The following KIF20B variants were observed in gnomAD, a reference collection of about 807,000 sequenced individuals.
KIF20B encodes kinesin-like protein KIF20B.
In KIF20B, 188 loss-of-function variants were observed where a neutral mutation model predicts 232.5. That is an observed-to-expected ratio of 0.81 (90% confidence interval 0.72 to 0.91). The LOEUF (loss-of-function observed/expected upper bound fraction) is 0.91. Ranked by LOEUF, KIF20B falls within the 40% of genes least tolerant of loss-of-function variation. The pLI is 0.00. For synonymous variants in KIF20B, 712 were observed against 683.0 expected (o/e 1.04, Z -0.66); for missense variants, 2,154 against 2,055.9 (o/e 1.05, Z -0.92).
rs1330526853 is a variant in KIF20B at position 89,754,644 on chromosome 10, G to C, written c.4474G>C (p.Glu1492Gln). The C allele has an allele frequency of 6.3e-7, 1 of 1,588,016 alleles. No individual in the cohort carries two copies. Among genetic ancestry groups the C allele is most frequent in the Non-Finnish European group, 8.5e-7 (1 of 1,169,672 alleles). ...GATGAAAAAATATGCTGAGGACAGG[G>C]AGCGTTTTTTTAAGCAACAGAATGA... ...KEMKKYAEDRERFFKQQNEME... is the reference protein window; with the variant it reads ...KEMKKYAEDRQRFFKQQNEME... The change falls in exon 26 of 33, where the codon GAG (glutamate) becomes CAG (glutamine). Residue 1492 changes from glutamate (E) to glutamine (Q), a missense_variant. Transcript: ENST00000371728.
At chr10:89,770,880 T>C (rs1253196822) in intron 31 of KIF20B, among the ~76,000 whole-genome samples, 1 of 152,222 alleles carries the variant, frequency 6.6e-6, no homozygotes, top group East Asian at 1.9e-4. Context: ...GATTGAATTA[T>C]GTTACTCCTC....
In KIF20B at chr10:89,758,884, T is replaced by G; in HGVS notation, c.4680+2T>G. ...ATCATATCAGAGACTTCTAAAATAG[T>G]CAGTAGTCTTTTTTGCTATGCCTTT... On this transcript the variant is annotated splice_donor_variant, in intron 27 of 32. Coordinates refer to ENST00000371728, the MANE Select transcript of KIF20B (RefSeq NM_001284259.2). LOFTEE classifies it high-confidence loss of function. 8 of 1,496,130 alleles carry G rather than the reference T, an allele frequency of 5.3e-6. No homozygotes were observed. The highest frequency in any genetic ancestry group is 7.2e-6 in the Non-Finnish European group (8 of 1,117,488). The allele number at this position is 1,496,130 out of a possible 1,614,324, so 92.7% of individuals were successfully genotyped here.
chr10:89,752,459 C>G, intron 24 of KIF20B, 108 bp from the exon 25 acceptor site: 1 of 750,588 alleles, frequency 1.3e-6, no homozygotes, highest in Non-Finnish European at 2.0e-6. Flanking sequence ...GGTCTGTGTT[C>G]TTTATCTGGG....
intron 26 of KIF20B, among the ~76,000 whole-genome samples, chr10:89,757,040 G>GTGTGTGTGTGTGTCTATA (rs1301847520): frequency 2.7e-5 from 3 of 110,754 alleles, no homozygotes; most frequent in African/African-American, 1.0e-4. Flanking sequence ...GTGTGTGTGT[G>GTGTGTGTGTGTGTCTATA]TATATATATA....
intron 22 of KIF20B, among the ~76,000 whole-genome samples, chr10:89,745,658 GATCTTGGCTCACTGCA>G (rs965880165): frequency 2.6e-5 from 4 of 151,580 alleles, no homozygotes; most frequent in Middle Eastern, 6.8e-3. Context: ...ACAGTGGTGC[GATCTTGGCTCACTGCA>G]ATCTTGGCTC....
At chr10:89,705,626 A>T (rs1235694106) in intron 2 of KIF20B, among the ~76,000 whole-genome samples, 185 bp downstream of exon 2, 5 of 152,250 alleles carry the variant, frequency 3.3e-5, no homozygotes. Flanking sequence ...TAAAAATTAT[A>T]TGAATTTCAA....
chr10:89,758,574 C>T, intron 26 of KIF20B, 132 bp from the exon 27 acceptor site: 1 of 521,444 alleles, frequency 1.9e-6, no homozygotes, highest in African/African-American at 2.0e-5. Context: ...AATATTTTAT[C>T]TAGACTACTT....
rs1463114130 is a variant in KIF20B at position 89,717,561 on chromosome 10, T to G, written c.1125-15T>G. 3 of 1,599,082 alleles carry G rather than the reference T, an allele frequency of 1.9e-6. No homozygotes were observed. The South Asian group carries it at 3.4e-5, about 18-fold the overall frequency. On this transcript the variant is annotated splice_polypyrimidine_tract_variant and intron_variant, in intron 10 of 32. Transcript: ENST00000371728. Reference sequence around the variant, plus strand: ...TTTGAAGAACTTTTAAAGTACTTTTTTTTTCTTAATTCAGATTATCTTTAT... The same window carrying G: ...TTTGAAGAACTTTTAAAGTACTTTTGTTTTCTTAATTCAGATTATCTTTAT...
chr10:89,721,867 C>G (rs930043265), intron 13 of KIF20B, among the ~76,000 whole-genome samples: 1 of 152,052 alleles, frequency 6.6e-6, no homozygotes, highest in Non-Finnish European at 1.5e-5. Flanking sequence ...ATCAAAATGT[C>G]TAATATTTGA....
intron 21 of KIF20B, among the ~76,000 whole-genome samples, chr10:89,742,249 A>G (rs1841814681): frequency 6.6e-6 from 1 of 152,202 alleles, no homozygotes; most frequent in Admixed American, 6.5e-5. Flanking sequence ...TGGAGGATGC[A>G]AACAGAAGTG....
intron 29 of KIF20B, among the ~76,000 whole-genome samples, chr10:89,767,960 C>T (rs1055464730): frequency 2.6e-5 from 4 of 151,930 alleles, no homozygotes; most frequent in African/African-American, 9.7e-5. Context: ...AAATTCACAC[C>T]TTCAGTCAGG....
intron 12 of KIF20B, 90 bp from the exon 13 acceptor site, chr10:89,719,329 T>C: frequency 1.1e-6 from 1 of 936,776 alleles, no homozygotes; most frequent in Non-Finnish European, 1.6e-6. Flanking sequence ...CACTTGAGTG[T>C]TCATTTGACT....
chr10:89,716,376 C>T (rs1433650206), intron 8 of KIF20B, 60 bp from the exon 9 acceptor site: 2 of 726,308 alleles, frequency 2.8e-6, no homozygotes, highest in Non-Finnish European at 4.5e-6. Flanking sequence ...AAAGAGATTA[C>T]ATTGTAGAAC....
chr10:89,724,181 C>T, intron 14 of KIF20B, 78 bp downstream of exon 14: 2 of 1,290,526 alleles, frequency 1.5e-6, no homozygotes, highest in Non-Finnish European at 2.0e-6. Flanking sequence ...ACTTAGTTTA[C>T]TTTTTATATT....
intron 5 of KIF20B, 74 bp downstream of exon 5, chr10:89,710,139 C>A: frequency 2.3e-6 from 3 of 1,315,636 alleles, no homozygotes; most frequent in Non-Finnish European, 3.1e-6. Flanking sequence ...ATAATACATA[C>A]ATGTAGTTAT....
chr10:89,738,660 A>T, intron 20 of KIF20B, 43 bp downstream of exon 20: 3 of 1,502,024 alleles, frequency 2.0e-6, no homozygotes, highest in Non-Finnish European at 2.6e-6. Flanking sequence ...TACACAAAGC[A>T]TTCATTTTGC....
At chr10:89,718,423 A>C (rs1348453730) in intron 11 of KIF20B, among the ~76,000 whole-genome samples, 1 of 152,176 alleles carries the variant, frequency 6.6e-6, no homozygotes, top group Non-Finnish European at 1.5e-5. Flanking sequence ...AGGCGAGAGG[A>C]TCGCTTGAGC....
intron 18 of KIF20B, among the ~76,000 whole-genome samples, chr10:89,731,094 G>A (rs1564664567): frequency 6.6e-6 from 1 of 152,156 alleles, no homozygotes; most frequent in African/African-American, 2.4e-5. Context: ...CTTTTATTTG[G>A]TTAGTCATCA....
intron 29 of KIF20B, among the ~76,000 whole-genome samples, chr10:89,767,097 A>G (rs989554263): frequency 1.3e-5 from 2 of 151,924 alleles, no homozygotes; most frequent in African/African-American, 4.8e-5. Context: ...ATTTTACTCA[A>G]TCTTCACTGC....
Sources: allele counts gnomAD v4.1 joint callset (sites outside exome capture counted in the v4.1 genomes callset), GRCh38; gene constraint gnomAD v4.1.1; transcripts MANE v1.5; gene names NCBI Gene and HGNC (gene_info 2026-07-23, HGNC 2026-07-21).